Variants in KIAA1217 observed in about 807,000 individuals in gnomAD.
KIAA1217 encodes the protein KIAA1217.
KIAA1217 carries 88 observed loss-of-function variants against 163.9 expected under a neutral mutation model. That is an observed-to-expected ratio of 0.54 (90% CI 0.45 to 0.64). The LOEUF is 0.64. Ranked by LOEUF, KIAA1217 falls within the 30% of genes least tolerant of loss-of-function variation. The probability of loss-of-function intolerance (pLI) is 0.00; values close to 1 mark genes in which losing one functional copy is unlikely to be tolerated. For synonymous variants in KIAA1217, 903 were observed against 923.1 expected (o/e 0.98, Z 0.39); for missense variants, 2,372 against 2,475.0 (o/e 0.96, Z 0.88).
intron 2 of KIAA1217, among the ~76,000 whole-genome samples, chr10:24,024,100 T>A (rs1331402711): frequency 1.3e-5 from 2 of 151,646 alleles, no homozygotes; most frequent in Non-Finnish European, 3.0e-5. Flanking sequence ...AAATTTTAAA[T>A]GTTAAAATCT....
intron 2 of KIAA1217, among the ~76,000 whole-genome samples, chr10:24,059,845 G>T (rs987982608): frequency 3.3e-5 from 5 of 152,164 alleles, no homozygotes; most frequent in Admixed American, 6.5e-5. Flanking sequence ...GATTACAGGC[G>T]TGAGCCACTG....
At chr10:23,866,746 A>C (rs1840205458) in intron 1 of KIAA1217, among the ~76,000 whole-genome samples, 2 of 152,050 alleles carry the variant, frequency 1.3e-5, no homozygotes, top group Non-Finnish European at 2.9e-5. Context: ...GTAGACCCAG[A>C]AGCCCTCATG....
chr10:24,297,917 C>T (rs74122217), intron 2 of KIAA1217, among the ~76,000 whole-genome samples: 5,397 of 151,080 alleles, frequency 0.036, 321 homozygotes, highest in African/African-American at 0.12. Flanking sequence ...GGACAAAGGC[C>T]AGGGATACTA....
In KIAA1217 at chr10:24,117,739, G is replaced by A. The variant is rs75671011; in HGVS notation, c.-170-101887G>A. Among the ~76,000 whole-genome samples the A allele has an allele frequency of 3.2e-3, 480 of 152,296 alleles. 2 individuals carry two copies. The highest frequency in any genetic ancestry group is 0.011 in the African/African-American group (444 of 41,554). On this transcript the variant is annotated intron_variant, in intron 2 of 18. Transcript: ENST00000376462. ...AATCTGTGGTCAGGGCTCTGCAGTC[G>A]TAAGCAGCTTATGCAGAGTCCTGCT...
chr10:24,113,958 T>A (rs1486602489), intron 2 of KIAA1217, among the ~76,000 whole-genome samples: 1 of 152,202 alleles, frequency 6.6e-6, no homozygotes, highest in Admixed American at 6.5e-5. Flanking sequence ...GGGGCCCTTC[T>A]AATCATGGGA....
intron 1 of KIAA1217, among the ~76,000 whole-genome samples, chr10:23,945,801 C>T (rs1159469571): frequency 6.6e-6 from 1 of 152,046 alleles, no homozygotes; most frequent in African/African-American, 2.4e-5. Context: ...GGATTCCATA[C>T]AAAAATATGA....
At chr10:24,183,073 A>G (rs2066256166) in intron 2 of KIAA1217, among the ~76,000 whole-genome samples, 1 of 152,218 alleles carries the variant, frequency 6.6e-6, no homozygotes, top group African/African-American at 2.4e-5. Flanking sequence ...AGTGCCCACA[A>G]GAGCGGGTTG....
intron 3 of KIAA1217, among the ~76,000 whole-genome samples, chr10:24,420,266 C>T (rs950599737): frequency 3.3e-5 from 5 of 152,294 alleles, no homozygotes; most frequent in African/African-American, 9.6e-5. Context: ...TAGGATGTGA[C>T]ATTTTTCATT....
chr10:23,799,458 A>G (rs1836369388), intron 1 of KIAA1217, among the ~76,000 whole-genome samples: 2 of 152,196 alleles, frequency 1.3e-5, no homozygotes, highest in South Asian at 4.1e-4. Flanking sequence ...TATGCATGTT[A>G]CAATTATTCA....
At chr10:23,810,327 TAC>T (rs1475053551) in intron 1 of KIAA1217, among the ~76,000 whole-genome samples, 5 of 146,366 alleles carry the variant, frequency 3.4e-5, no homozygotes, top group Admixed American at 1.4e-4. Context: ...TATCTATATA[TAC>T]ACACACTATA....
At chr10:24,212,298 A>G (rs1180653126) in intron 1 of KIAA1217, among the ~76,000 whole-genome samples, 1 of 152,142 alleles carries the variant, frequency 6.6e-6, no homozygotes, top group Non-Finnish European at 1.5e-5. Flanking sequence ...CGAAGAACAG[A>G]TGAGAGGGTG....
chr10:24,292,751 G>A (rs1455042411), intron 2 of KIAA1217, among the ~76,000 whole-genome samples: 1 of 152,140 alleles, frequency 6.6e-6, no homozygotes, highest in Non-Finnish European at 1.5e-5. Flanking sequence ...GAGTTTCCAC[G>A]GAATGAAGGT....
rs1168908678 is a variant in KIAA1217, at chr10:24,524,575, G to A, written c.2709G>A (p.Leu903=). 2.5e-6 allele frequency: 4 copies of A among 1,613,838 alleles called. No homozygotes were observed. The highest frequency in any genetic ancestry group is 2.7e-5 in the African/African-American group (2 of 74,924). The change falls in exon 13 of 21, where the codon CTG becomes CTA. Residue 903 remains leucine (L), a synonymous_variant. Transcript: ENST00000376454. The part of the protein sequence containing the change: ...VIQPSQHSVA[L]LNPAQNLPHV... ...AGCCCTCCCAGCACTCCGTGGCCCT[G>A]CTGAACCCTGCTCAGAACTTGCCTC...
At chr10:24,194,996 G>A (rs1327028866) in intron 2 of KIAA1217, among the ~76,000 whole-genome samples, 2 of 151,970 alleles carry the variant, frequency 1.3e-5, no homozygotes, top group African/African-American at 2.4e-5. Context: ...CCTTCCAAGT[G>A]CTGGAGGCCA....
At chr10:23,790,534 T>C (rs1257046710) in intron 1 of KIAA1217, among the ~76,000 whole-genome samples, 1 of 115,988 alleles carries the variant, frequency 8.6e-6, no homozygotes, top group East Asian at 2.2e-4. Flanking sequence ...CATATATACA[T>C]ATACATGTGC....
At chr10:24,173,868 AT>A (rs1418592592) in intron 2 of KIAA1217, among the ~76,000 whole-genome samples, 1 of 152,194 alleles carries the variant, frequency 6.6e-6, no homozygotes, top group African/African-American at 2.4e-5. Flanking sequence ...TGCCTTTTAA[AT>A]GTCCAAATTG....
chr10:24,461,094 T>C (rs1286331088), intron 5 of KIAA1217, among the ~76,000 whole-genome samples: 2 of 152,232 alleles, frequency 1.3e-5, no homozygotes, highest in Non-Finnish European at 2.9e-5. Flanking sequence ...TTACCACCAT[T>C]TTCTCTCACG....
intron 2 of KIAA1217, among the ~76,000 whole-genome samples, chr10:24,235,464 T>C (rs1483188556): frequency 1.3e-5 from 2 of 152,370 alleles, no homozygotes; most frequent in Middle Eastern, 3.4e-3. Context: ...GTGATACTTG[T>C]AGTGTGGTCT....
At chr10:24,124,203 A>C (rs1447844360) in intron 2 of KIAA1217, among the ~76,000 whole-genome samples, 2 of 152,070 alleles carry the variant, frequency 1.3e-5, no homozygotes, top group Non-Finnish European at 2.9e-5. Flanking sequence ...ATCTTTATCT[A>C]GGATTTGTAT....
Sources: gnomAD v4.1 joint callset for allele counts (sites outside exome capture counted in the v4.1 genomes callset) on GRCh38, gnomAD v4.1.1 for gene constraint, MANE v1.5 for transcripts, NCBI Gene and HGNC (gene_info 2026-07-23, HGNC 2026-07-21) for gene names.